NBEAL2: variants seen among roughly 807,000 people sequenced by gnomAD.
NBEAL2 encodes the protein neurobeachin like 2, also known as neurobeachin-like protein 2.
A neutral mutation model predicts 299.8 loss-of-function variants in NBEAL2; 160 were observed. That is an observed-to-expected ratio of 0.53 (90% CI 0.47 to 0.61). NBEAL2 has a LOEUF of 0.61. NBEAL2 is among the 20% of genes least tolerant of loss of function. The probability of loss-of-function intolerance (pLI) is 0.00; values close to 1 mark genes in which losing one functional copy is unlikely to be tolerated. For synonymous variants in NBEAL2, 1,493 were observed against 1,542.3 expected (o/e 0.97, Z 0.75); for missense variants, 3,112 against 3,649.0 (o/e 0.85, Z 3.79).
At chr3:46,994,987 A>C in intron 12 of NBEAL2, 45 bp from the exon 13 acceptor site, 2 of 1,491,192 alleles carry the variant, frequency 1.3e-6, no homozygotes, top group Non-Finnish European at 1.8e-6. Flanking sequence ...CACTGTTGAC[A>C]GGGTGCCACA....
Position 46,998,528 on chromosome 3 carries a change from G to A in NBEAL2, c.3184G>A (p.Val1062Ile), listed in dbSNP as rs775313250. 57 of 1,612,862 alleles carry A rather than the reference G, an allele frequency of 3.5e-5. No homozygotes were observed. Among genetic ancestry groups the A allele is most frequent in the Non-Finnish European group, 4.6e-5 (54 of 1,179,560 alleles). ...ACAGAAGCTGCGGAAGAAGTACGGC[G>A]TCCAGTTTATCTTGGATGCTCTGCG... ...HRQKLRKKYG[V>I]QFILDALRTH... The change falls in exon 22 of 54, where the codon GTC becomes ATC. Residue 1062 changes from valine to isoleucine, a missense_variant. Around this residue, in one of 3 missense-constraint regions of NBEAL2, gnomAD observed 2,243 missense variants for 2,538.1 expected, o/e 0.88. Coordinates refer to ENST00000450053, the MANE Select transcript of NBEAL2 (RefSeq NM_015175.3).
At chr3:46,985,669 C>G (rs1340731251) in intron 1 of NBEAL2, among the ~76,000 whole-genome samples, 2 of 152,234 alleles carry the variant, frequency 1.3e-5, no homozygotes, top group Non-Finnish European at 2.9e-5. Flanking sequence ...ACCTTCTCCC[C>G]TGCTGCAGGA....
chr3:47,000,172 T>C lies in NBEAL2; in HGVS notation c.4073T>C (p.Leu1358Pro). The C allele has an allele frequency of 2.5e-6, 4 of 1,613,850 alleles. No individual in the cohort carries two copies. Among genetic ancestry groups the C allele is most frequent in the Non-Finnish European group, 3.4e-6 (4 of 1,179,882 alleles). Residue 1358 changes from leucine to proline, a missense_variant, in exon 27 of 54, where the codon CTG (leucine) becomes CCG (proline). Physicochemically the swap from Leu to Pro is moderately conservative, Grantham distance 98. Transcript: ENST00000450053. This position sits in a 1 kb window ranked among gnomAD's most constrained non-coding sequence, Gnocchi z 4.5. ...ALSPFCTPFD[L>P]GLERSSVGSG... Reference sequence around the variant, plus strand: ...TCCCCATTCTGCACGCCCTTTGACCTGGGCCTGGAACGGTCTAGTGTAGGA... The same window carrying C: ...TCCCCATTCTGCACGCCCTTTGACCCGGGCCTGGAACGGTCTAGTGTAGGA...
At position 46,993,942 on chromosome 3, in the gene NBEAL2, G is replaced by A. The variant is rs765285963; in HGVS notation, c.1119G>A (p.Leu373=). ...TGGCCCCTCCCCACCCCAAGGTCCTGGACCAAGACACAGACGCCATTGCAG... is the reference window on the plus strand; with the variant it reads ...TGGCCCCTCCCCACCCCAAGGTCCTAGACCAAGACACAGACGCCATTGCAG... ...LLTEPDVQKV[L]DQDTDAIAVH... The change falls in exon 11 of 54, where the codon CTG becomes CTA. Residue 373 remains leucine (L), a synonymous_variant. Coordinates refer to ENST00000450053, the MANE Select transcript of NBEAL2 (RefSeq NM_015175.3). The A allele has an allele frequency of 3.1e-6, 5 of 1,610,318 alleles. No homozygotes were observed. Among genetic ancestry groups the A allele is most frequent in the Middle Eastern group, 1.7e-4 (1 of 6,054 alleles).
rs1430084982 is a variant in NBEAL2, at chr3:46,988,831, T to G, written c.141-11T>G. The G allele has an allele frequency of 1.9e-6, 3 of 1,604,876 alleles. No homozygotes were observed. In the Admixed American group the frequency reaches 5.0e-5, roughly 27 times the overall value. ...GGGTCCTCAGCACCCGTGTCTCCCC[T>G]TTCCTTGCAGGCCAGAGGAGGCAGG... is the stretch of plus-strand genomic sequence containing the variant. On this transcript the variant is annotated splice_polypyrimidine_tract_variant and intron_variant, in intron 2 of 53. Coordinates refer to ENST00000450053, the MANE Select transcript of NBEAL2 (RefSeq NM_015175.3). This position sits in a 1 kb window ranked among gnomAD's most constrained non-coding sequence, Gnocchi z 4.4.
At position 47,003,047 on chromosome 3, in the gene NBEAL2, T is replaced by A. The variant is rs1225869537; in HGVS notation, c.5550T>A (p.Pro1850=). 6.2e-7 allele frequency: 1 copy of A among 1,612,824 alleles called. No individual in the cohort carries two copies. Among genetic ancestry groups the A allele is most frequent in the Non-Finnish European group, 8.5e-7 (1 of 1,179,508 alleles). ...TGGTGCCCAACCATCACTTCGACCC[T>A]CACCTGGAAGCCAGCGCTCTCCGAG... ...LKLVPNHHFD[P]HLEASALRDN... Residue 1850 remains proline (P), a synonymous_variant, in exon 34 of 54, where the codon CCT becomes CCA. Transcript: ENST00000450053. The surrounding 1 kb of genome is among the most constrained non-coding windows in gnomAD (Gnocchi z 7.0).
chr3:46,995,709 C>T lies in NBEAL2; in HGVS notation c.1899-5C>T. ...AGCAGACATAACTGGCTTGCCTGCC[C>T]CCAGCTTCTTTACCAGCAGCGGCTC... is the stretch of plus-strand genomic sequence containing the variant. On this transcript the variant is annotated splice_region_variant and splice_polypyrimidine_tract_variant and intron_variant, in intron 13 of 53. Transcript: ENST00000450053. 6.2e-7 allele frequency: 1 copy of T among 1,613,250 alleles called. No homozygotes were observed. Among genetic ancestry groups the T allele is most frequent in the Non-Finnish European group, 8.5e-7 (1 of 1,179,588 alleles).
intron 1 of NBEAL2, among the ~76,000 whole-genome samples, chr3:46,981,035 G>A (rs976564363): frequency 2.6e-5 from 4 of 152,212 alleles, no homozygotes; most frequent in South Asian, 2.1e-4. Flanking sequence ...TCTTCAGTCC[G>A]CTCAGGTTGT....
In NBEAL2 at chr3:47,003,436, A is replaced by C. The variant is rs2037187448; in HGVS notation, c.5720+127A>C. 2 of 1,361,950 alleles carry C rather than the reference A, an allele frequency of 1.5e-6. No individual in the cohort carries two copies. Among genetic ancestry groups the C allele is most frequent in the South Asian group, 2.9e-5 (2 of 68,696 alleles). 84.4% of individuals were successfully genotyped at this position (1,361,950 alleles called of 1,614,324 possible). On this transcript the variant is annotated intron_variant, in intron 35 of 53. Coordinates refer to ENST00000450053, the MANE Select transcript of NBEAL2 (RefSeq NM_015175.3). This position sits in a 1 kb window ranked among gnomAD's most constrained non-coding sequence, Gnocchi z 7.0. ...CTGCTGCCCGACTACGTCCCCCTGA[A>C]GGGACTGTCCAAAGCCAGATGGTGA...
At chr3:46,994,085 G>A in intron 11 of NBEAL2, 65 bp downstream of exon 11, 1 of 1,483,138 alleles carries the variant, frequency 6.7e-7, no homozygotes, top group Non-Finnish European at 9.2e-7. Flanking sequence ...CATATCCCCA[G>A]AACAGGCCTG....
chr3:46,988,603 C>T lies in NBEAL2; in HGVS notation c.52-66C>T. 6.4e-6 allele frequency: 9 copies of T among 1,400,272 alleles called. No homozygotes were observed. The South Asian group carries it at 1.0e-4, about 16-fold the overall frequency. 86.7% of individuals were successfully genotyped at this position (1,400,272 alleles called of 1,614,324 possible). A position where few individuals can be genotyped will look rare whatever the true frequency, so the allele number is the denominator to read the frequency against. ...CATTCTTCGCCTCTGTCTACATCCCCTTGTCCCTGCCCTGTTTACTGCATC... is the reference window on the plus strand; with the variant it reads ...CATTCTTCGCCTCTGTCTACATCCCTTTGTCCCTGCCCTGTTTACTGCATC... On this transcript the variant is annotated intron_variant, in intron 1 of 53. Coordinates refer to ENST00000450053, the MANE Select transcript of NBEAL2 (RefSeq NM_015175.3). The surrounding 1 kb of genome is among the most constrained non-coding windows in gnomAD (Gnocchi z 4.4).
At position 46,991,351 on chromosome 3, in the gene NBEAL2, AT is replaced by A. The variant is rs753742196; in HGVS notation, c.642+48del. ...TGGACTAGAGAGCAGCTCTTTCAGT[AT>A]CTCTCTGCTGGGTGAGCCCCTTGCC... On this transcript the variant is annotated intron_variant, in intron 7 of 53. Transcript: ENST00000450053. The surrounding 1 kb of genome is among the most constrained non-coding windows in gnomAD (Gnocchi z 6.2). 3.2e-6 allele frequency: 5 copies of A among 1,584,402 alleles called. No individual in the cohort carries two copies. In the Admixed American group the frequency reaches 9.1e-5, roughly 29 times the overall value.
rs1241913771 is a variant in NBEAL2, at chr3:47,001,497, G to C, written c.4644+59G>C. 2 of 1,582,510 alleles carry C rather than the reference G, an allele frequency of 1.3e-6. No individual in the cohort carries two copies. The highest frequency in any genetic ancestry group is 1.7e-6 in the Non-Finnish European group (2 of 1,165,956). ...ACACTCATGTTCATGCAAGCCTGCAGGGATCTGGTCTGGGAGGTGGATGGG... is the reference window on the plus strand; with the variant it reads ...ACACTCATGTTCATGCAAGCCTGCACGGATCTGGTCTGGGAGGTGGATGGG... On this transcript the variant is annotated intron_variant, in intron 29 of 53. Coordinates refer to ENST00000450053, the MANE Select transcript of NBEAL2 (RefSeq NM_015175.3). This position sits in a 1 kb window ranked among gnomAD's most constrained non-coding sequence, Gnocchi z 6.1.
At chr3:46,996,868 CTG>C (rs2036542482) in intron 17 of NBEAL2, 35 bp downstream of exon 17, 7 of 1,610,410 alleles carry the variant, frequency 4.3e-6, no homozygotes, top group Non-Finnish European at 5.9e-6. Context: ...GTTGGCTCGA[CTG>C]TGCTACTTCC....
chr3:46,998,358 T>C, intron 21 of NBEAL2, 105 bp from the exon 22 acceptor site: 1 of 1,509,584 alleles, frequency 6.6e-7, no homozygotes, highest in Non-Finnish European at 9.0e-7. Context: ...CTGAGGGGAC[T>C]ATGACCCTGC....
Position 46,995,181 on chromosome 3 carries a change from C to T in NBEAL2, c.1446C>T (p.Cys482=), listed in dbSNP as rs1303827545. 7 of 1,562,220 alleles carry T rather than the reference C, an allele frequency of 4.5e-6. No homozygotes were observed. Among genetic ancestry groups the T allele is most frequent in the Non-Finnish European group, 3.5e-6 (4 of 1,153,514 alleles). The change falls in exon 13 of 54, where the codon TGC becomes TGT. Residue 482 remains cysteine, a synonymous_variant. Coordinates refer to ENST00000450053, the MANE Select transcript of NBEAL2 (RefSeq NM_015175.3). ...AQRLRWLCDS[C]PASRATCVQA... is the part of the protein sequence containing the mutation. The stretch of plus-strand genomic sequence containing the variant: ...GCCTCAGGTGGCTCTGTGACAGCTG[C>T]CCTGCCAGCCGTGCCACCTGTGTGC...
intron 6 of NBEAL2, among the ~76,000 whole-genome samples, chr3:46,990,219 C>T (rs1277086943): frequency 2.0e-5 from 3 of 152,150 alleles, no homozygotes; most frequent in Non-Finnish European, 4.4e-5. Context: ...CCCCATGGAG[C>T]TGTGGGCCTG....
At chr3:47,008,928 T>C in intron 52 of NBEAL2, 61 bp from the exon 53 acceptor site, 12 of 1,591,280 alleles carry the variant, frequency 7.5e-6, no homozygotes, top group Non-Finnish European at 9.4e-6. Flanking sequence ...ATAAGGGATA[T>C]CTGCTGGTCG....
chr3:47,006,299 C>T, intron 44 of NBEAL2, 34 bp from the exon 45 acceptor site: 1 of 1,606,180 alleles, frequency 6.2e-7, no homozygotes, highest in Non-Finnish European at 8.5e-7. Flanking sequence ...CAGGGATGCC[C>T]ATGCCATGGT....
Sources: gnomAD v4.1 joint callset for allele counts (sites outside exome capture counted in the v4.1 genomes callset) on GRCh38, gnomAD v4.1.1 for gene constraint, gnomAD v4.1.1 regional missense constraint, Gnocchi (gnomAD v3.1) non-coding constraint, MANE v1.5 for transcripts, NCBI Gene and HGNC (gene_info 2026-07-23, HGNC 2026-07-21) for gene names.